Variants in MIDEAS observed in about 807,000 individuals in gnomAD.
MIDEAS encodes the protein mitotic deacetylase associated SANT domain protein.
MIDEAS carries 26 observed loss-of-function variants against 102.7 expected under a neutral mutation model. The observed-to-expected ratio is 0.25, with a 90% CI of 0.19 to 0.35. The LOEUF (loss-of-function observed/expected upper bound fraction) is 0.35, where lower values mean the gene tolerates loss of function less well. Ranked by LOEUF, MIDEAS falls within the 10% of genes least tolerant of loss-of-function variation. The pLI is 1.00. For synonymous variants in MIDEAS, 585 were observed against 591.0 expected (o/e 0.99, Z 0.15); for missense variants, 1,231 against 1,435.6 (o/e 0.86, Z 2.30).
Position 73,739,673 on chromosome 14 carries a change from T to G in MIDEAS, c.336A>C (p.Gly112=). Residue 112 remains glycine (G), a synonymous_variant, in exon 2 of 13, where the codon GGA becomes GGC. Coordinates refer to ENST00000423556, the MANE Select transcript of MIDEAS (RefSeq NM_001367710.1). ...AGCTGCTGTCACTGACACCCCCACC[T>G]CCTCCACGCTCCGGGCCCCGCCCTG... ...MAPGRGPERG[G]GGGVSDSSWQ... 1 of 1,613,728 alleles carries G rather than the reference T, an allele frequency of 6.2e-7. No individual in the cohort carries two copies. The highest frequency in any genetic ancestry group is 8.5e-7 in the Non-Finnish European group (1 of 1,179,930).
chr14:73,756,131 A>G (rs1340379182), intron 1 of MIDEAS, among the ~76,000 whole-genome samples: 1 of 152,028 alleles, frequency 6.6e-6, no homozygotes, highest in Non-Finnish European at 1.5e-5. Context: ...GTGACTGTCC[A>G]CACACCATCC....
At chr14:73,741,729 C>A (rs948635128) in intron 1 of MIDEAS, among the ~76,000 whole-genome samples, 16 of 152,164 alleles carry the variant, frequency 1.1e-4, no homozygotes, top group African/African-American at 3.9e-4. Flanking sequence ...TCACTGAGGG[C>A]CCCCTCCCTA....
At chr14:73,719,759 C>A (rs2052958976) in intron 11 of MIDEAS, among the ~76,000 whole-genome samples, 1 of 149,362 alleles carries the variant, frequency 6.7e-6, no homozygotes, top group Admixed American at 6.8e-5. Context: ...CCTTGATGCG[C>A]CTGACAGGGG....
chr14:73,732,217 C>T (rs1210183833), intron 3 of MIDEAS, among the ~76,000 whole-genome samples: 2 of 152,214 alleles, frequency 1.3e-5, no homozygotes, highest in South Asian at 2.1e-4. Flanking sequence ...CGCTCCCCTG[C>T]CTATTAGAGG....
Position 73,718,928 on chromosome 14 carries a change from A to T in MIDEAS, c.3215T>A (p.Leu1072Gln). ...GGCAGCAGCGGCCTCTTTCTCCTTC[A>T]GCCTCAGCGCTGCAGCCTTCTTCTC... ...EQEKKAAALR[L>Q]KEKEAAAAAA... Residue 1072 changes from leucine (L) to glutamine (Q), a missense_variant, in exon 13 of 13, where the codon CTG (leucine) becomes CAG (glutamine). Coordinates refer to ENST00000423556, the MANE Select transcript of MIDEAS (RefSeq NM_001367710.1). 1 of 1,526,146 alleles carries T rather than the reference A, an allele frequency of 6.6e-7. No individual in the cohort carries two copies. The highest frequency in any genetic ancestry group is 2.1e-5 in the Admixed American group (1 of 48,364). 94.5% of individuals were successfully genotyped at this position (1,526,146 alleles called of 1,614,324 possible). A position where few individuals can be genotyped will look rare whatever the true frequency, so the allele number is the denominator to read the frequency against.
intron 1 of MIDEAS, among the ~76,000 whole-genome samples, chr14:73,784,118 A>G (rs1030480149): frequency 1.3e-5 from 2 of 152,236 alleles, no homozygotes; most frequent in African/African-American, 4.8e-5. Flanking sequence ...CTCTTAGAAC[A>G]ATAAAACTGG....
At position 73,729,779 on chromosome 14, in the gene MIDEAS, A is replaced by G. The variant is rs1450787455; in HGVS notation, c.1956T>C (p.Pro652=). 6.2e-7 allele frequency: 1 copy of G among 1,613,978 alleles called. No individual in the cohort carries two copies. Among genetic ancestry groups the G allele is most frequent in the Middle Eastern group, 1.6e-4 (1 of 6,062 alleles). ...DHPSERSFEL[P]PYTPPPILSP... is the part of the protein sequence containing the mutation. ...TGAGGATGGGGGGCGGCGTGTAGGG[A>G]GGTAGCTCAAAGCTCCGCTCAGAGG... Residue 652 remains proline (P), a synonymous_variant, in exon 4 of 13, where the codon CCT becomes CCC. Coordinates refer to ENST00000423556, the MANE Select transcript of MIDEAS (RefSeq NM_001367710.1).
In MIDEAS at chr14:73,715,326, C is replaced by CTATTTTAATATGTACA. The variant is rs1338869783; in HGVS notation, c.*3516_*3517insTGTACATATTAAAATA. On this transcript the variant is annotated 3_prime_UTR_variant, in exon 13 of 13. Coordinates refer to ENST00000423556, the MANE Select transcript of MIDEAS (RefSeq NM_001367710.1). ...AAGAGGTAATATTTATATATGTACA[C>CTATTTTAATATGTACA]TATTTTAATATGTAACAGTCTTTTT... The CTATTTTAATATGTACA allele has an allele frequency of 6.6e-6, 1 of 152,544 alleles. No individual in the cohort carries two copies. Among genetic ancestry groups the CTATTTTAATATGTACA allele is most frequent in the Non-Finnish European group, 1.5e-5 (1 of 68,030 alleles). 9.4% of individuals were successfully genotyped at this position (152,544 alleles called of 1,614,324 possible).
chr14:73,746,933 A>G (rs2053360114), intron 1 of MIDEAS, among the ~76,000 whole-genome samples: 1 of 152,112 alleles, frequency 6.6e-6, no homozygotes, highest in African/African-American at 2.4e-5. Context: ...AAACAGAAAC[A>G]CACGCTAATT....
In MIDEAS at chr14:73,731,674, C is replaced by T. The variant is rs187102416; in HGVS notation, c.1750-1689G>A. The stretch of plus-strand genomic sequence containing the variant: ...AATGTTGGAGAAGAAAGAGTCCTGA[C>T]GTATTTCAGATACAAACTGAAGTAT... On this transcript the variant is annotated intron_variant, in intron 3 of 12. Transcript: ENST00000423556. Among the ~76,000 whole-genome samples the T allele has an allele frequency of 3.1e-3, 469 of 152,266 alleles. 1 individual carries two copies. The highest frequency in any genetic ancestry group is 3.4e-3 in the Non-Finnish European group (234 of 68,022).
chr14:73,718,732 G>A lies in MIDEAS; in HGVS notation c.*111C>T, dbSNP rs1006339920. 1.2e-5 allele frequency: 14 copies of A among 1,124,854 alleles called. No homozygotes were observed. The highest frequency in any genetic ancestry group is 8.2e-5 in the African/African-American group (5 of 60,646). 69.7% of individuals were successfully genotyped at this position (1,124,854 alleles called of 1,614,324 possible). A position where few individuals can be genotyped will look rare whatever the true frequency, so the allele number is the denominator to read the frequency against. On this transcript the variant is annotated 3_prime_UTR_variant, in exon 13 of 13. Coordinates refer to ENST00000423556, the MANE Select transcript of MIDEAS (RefSeq NM_001367710.1). ...TGTCTCATTTGTTTCGCAGGGAAAA[G>A]TCCCTGCAATCCTCTCCTCACTCCC...
chr14:73,789,651 C>T (rs2053850387), upstream of MIDEAS, among the ~76,000 whole-genome samples: 1 of 152,200 alleles, frequency 6.6e-6, no homozygotes, highest in Non-Finnish European at 1.5e-5. Context: ...CCTGATAGAA[C>T]ATGGAAAGGA....
intron 4 of MIDEAS, chr14:73,729,201 T>C (rs2053104493): frequency 6.3e-6 from 1 of 158,378 alleles, no homozygotes; most frequent in Non-Finnish European, 1.4e-5. Flanking sequence ...GCAAACAGGA[T>C]GGCCTGGGCA....
At position 73,719,035 on chromosome 14, in the gene MIDEAS, A is replaced by C. The variant is rs1213042156; in HGVS notation, c.3135-27T>G. 2.7e-6 allele frequency: 4 copies of C among 1,459,312 alleles called. No individual in the cohort carries two copies. In the South Asian group the frequency reaches 5.7e-5, roughly 21 times the overall value. 90.4% of individuals were successfully genotyped at this position (1,459,312 alleles called of 1,614,324 possible). ...TGCAGCCGGGTGGGGGTTGCTCAGA[A>C]CCGGCCTAGCCCACCCGGGGGCCCC... On this transcript the variant is annotated intron_variant, in intron 12 of 12. Coordinates refer to ENST00000423556, the MANE Select transcript of MIDEAS (RefSeq NM_001367710.1).
intron 4 of MIDEAS, 102 bp downstream of exon 4, chr14:73,729,536 CAG>C (rs2053108644): frequency 1.1e-6 from 1 of 928,706 alleles, no homozygotes. Flanking sequence ...CTCCTTCTCC[CAG>C]AGTGTTCCAG....
chr14:73,752,766 GTC>G (rs1160743063), intron 1 of MIDEAS, among the ~76,000 whole-genome samples: 1 of 152,204 alleles, frequency 6.6e-6, no homozygotes, highest in Non-Finnish European at 1.5e-5. Context: ...CATTTCTCCA[GTC>G]TCTGAGCAGC....
In MIDEAS at chr14:73,717,244, GCATT is replaced by G. The variant is rs548099432; in HGVS notation, c.*1595_*1598del. 3.7e-4 allele frequency: 56 copies of G among 152,298 alleles called. No individual in the cohort carries two copies. The highest frequency in any genetic ancestry group is 6.8e-4 in the Non-Finnish European group (46 of 68,028). The allele number at this position is 152,298 out of a possible 1,614,324, so 9.4% of individuals were successfully genotyped here. A position where few individuals can be genotyped will look rare whatever the true frequency, so the allele number is the denominator to read the frequency against. On this transcript the variant is annotated 3_prime_UTR_variant, in exon 13 of 13. Coordinates refer to ENST00000423556, the MANE Select transcript of MIDEAS (RefSeq NM_001367710.1). ...CCTAATACGTTGACCTGTCATACGC[GCATT>G]CACTTAGAATTTCTTTTGCACAACT...
intron 1 of MIDEAS, among the ~76,000 whole-genome samples, chr14:73,741,922 CAG>C (rs2053286118): frequency 6.6e-6 from 1 of 152,164 alleles, no homozygotes; most frequent in African/African-American, 2.4e-5. Context: ...CCCTCACCCC[CAG>C]CAAGAGGGGA....
At chr14:73,745,232 A>C (rs1324955172) in intron 1 of MIDEAS, among the ~76,000 whole-genome samples, 1 of 151,928 alleles carries the variant, frequency 6.6e-6, no homozygotes, top group Non-Finnish European at 1.5e-5. Flanking sequence ...GGCCCTCTAC[A>C]CCTATGTGGA....
Sources: gnomAD v4.1 joint callset for allele counts (sites outside exome capture counted in the v4.1 genomes callset) on GRCh38, gnomAD v4.1.1 for gene constraint, MANE v1.5 for transcripts, NCBI Gene and HGNC (gene_info 2026-07-23, HGNC 2026-07-21) for gene names.